The following CAPN8 variants were observed in gnomAD, a reference collection of about 807,000 sequenced individuals.
The protein encoded by CAPN8 is calpain 8.
A neutral mutation model predicts 80.9 loss-of-function variants in CAPN8; 87 were observed. That is an observed-to-expected ratio of 1.07 (90% CI 0.90 to 1.28). CAPN8 has a LOEUF of 1.28. CAPN8 is among the 50% of genes most tolerant of loss of function. The pLI, the probability that CAPN8 is intolerant of heterozygous loss-of-function variation, is 0.00. For missense variants in CAPN8, 757 were observed against 702.0 expected, an observed-to-expected ratio of 1.08 and a Z score of -0.89; for synonymous variants, 299 against 273.8, an observed-to-expected ratio of 1.09 and a Z score of -0.91.
chr1:223,545,821 C>CTTTTT lies in CAPN8; in HGVS notation c.1765-527_1765-523dup, dbSNP rs141485616. On this transcript the variant is annotated intron_variant, in intron 16 of 20. Coordinates refer to ENST00000366872, the MANE Select transcript of CAPN8 (RefSeq NM_001143962.2). ...TGTCCAACTTACATTCACTCCACAA[C>CTTTTT]TTTTTTTTTTTTTTTTTTTTTTGAG... 6.2e-3 allele frequency among the ~76,000 whole-genome samples: 612 copies of CTTTTT among 98,568 alleles called. 30 individuals are homozygous for CTTTTT. Among genetic ancestry groups the CTTTTT allele is most frequent in the African/African-American group, 0.017 (389 of 23,040 alleles). 64.7% of individuals were successfully genotyped at this position (98,568 alleles called of 152,430 possible).
At chr1:223,662,748 C>G (rs1658681098) in intron 1 of CAPN8, among the ~76,000 whole-genome samples, 1 of 152,196 alleles carries the variant, frequency 6.6e-6, no homozygotes, top group South Asian at 2.1e-4. Flanking sequence ...TTCTGGATAC[C>G]CTGATCTCTT....
At chr1:223,618,731 G>T (rs1327718863) in intron 9 of CAPN8, among the ~76,000 whole-genome samples, 1 of 152,240 alleles carries the variant, frequency 6.6e-6, no homozygotes, top group Admixed American at 6.5e-5. Flanking sequence ...GGCAGGGCAG[G>T]TGGGTGAAGC....
At chr1:223,638,359 G>GA (rs1328509459) in intron 2 of CAPN8, among the ~76,000 whole-genome samples, 259 of 151,924 alleles carry the variant, frequency 1.7e-3, no homozygotes, top group African/African-American at 5.6e-3. Flanking sequence ...AGACTGTATG[G>GA]GGTGTGTGTG....
In CAPN8 at chr1:223,622,797, C is replaced by T. The variant is rs116618659; in HGVS notation, c.899+18G>A. The T allele has an allele frequency of 1.3e-4, 197 of 1,545,110 alleles. No individual in the cohort carries two copies. In the African/African-American group the frequency reaches 2.4e-3, roughly 19 times the overall value. ...GCAGAGGGAGAGATGACTGGAGAAG[C>T]GGGGGAAAAAAACCTACTCATCGCT... is the stretch of plus-strand genomic sequence containing the variant. On this transcript the variant is annotated intron_variant, in intron 7 of 20. Transcript: ENST00000366872.
intron 2 of CAPN8, among the ~76,000 whole-genome samples, chr1:223,645,183 C>G (rs1192927286): frequency 6.6e-6 from 1 of 152,150 alleles, no homozygotes; most frequent in African/African-American, 2.4e-5. Context: ...AGGAAGCATC[C>G]AGCGCAGAAG....
At chr1:223,655,174 G>A (rs956050498) in intron 1 of CAPN8, among the ~76,000 whole-genome samples, 6 of 152,184 alleles carry the variant, frequency 3.9e-5, no homozygotes, top group African/African-American at 1.4e-4. Flanking sequence ...TTAGCAAAAT[G>A]CTGTGCACCC....
intron 2 of CAPN8, chr1:223,644,525 A>G (rs1239922191): frequency 1.9e-5 from 3 of 154,110 alleles, no homozygotes; most frequent in Admixed American, 1.3e-4. Context: ...ACAGTGGGGA[A>G]AAACAGAGTC....
chr1:223,625,451 T>C (rs1437423609), intron 6 of CAPN8, among the ~76,000 whole-genome samples: 2 of 152,154 alleles, frequency 1.3e-5, no homozygotes, highest in Non-Finnish European at 2.9e-5. Context: ...TTTTTTTGTT[T>C]TAGAAAAAAA....
At chr1:223,655,867 C>A (rs546350299) in intron 1 of CAPN8, among the ~76,000 whole-genome samples, 3 of 152,096 alleles carry the variant, frequency 2.0e-5, no homozygotes, top group Non-Finnish European at 4.4e-5. Flanking sequence ...GGAAGTCAGC[C>A]TACATTTAAT....
At chr1:223,641,061 G>T (rs1658027755) in intron 2 of CAPN8, among the ~76,000 whole-genome samples, 1 of 152,146 alleles carries the variant, frequency 6.6e-6, no homozygotes, top group Non-Finnish European at 1.5e-5. Context: ...TCCTTGAAAA[G>T]GGAATGGTTT....
intron 16 of CAPN8, among the ~76,000 whole-genome samples, chr1:223,548,610 C>T (rs997094609): frequency 6.6e-6 from 1 of 152,156 alleles, no homozygotes; most frequent in Admixed American, 6.5e-5. Flanking sequence ...CAAGAAGATG[C>T]CATCTATGAA....
intron 16 of CAPN8, 82 bp downstream of exon 16, chr1:223,549,236 C>T: frequency 1.3e-6 from 2 of 1,517,094 alleles, no homozygotes; most frequent in Non-Finnish European, 1.8e-6. Context: ...CCGTCCCTTC[C>T]TTCTAACTGG....
At chr1:223,621,478 T>C (rs1176117631) in intron 7 of CAPN8, among the ~76,000 whole-genome samples, 4 of 152,146 alleles carry the variant, frequency 2.6e-5, no homozygotes, top group Non-Finnish European at 5.9e-5. Flanking sequence ...AGCTCGGTAG[T>C]GACTTTTGGT....
chr1:223,558,230 G>C (rs919654042), intron 12 of CAPN8, 63 bp from the exon 13 acceptor site: 55 of 398,308 alleles, frequency 1.4e-4, no homozygotes, highest in African/African-American at 7.6e-4. Flanking sequence ...TAATGGCTGG[G>C]TTGTTTTAGG....
intron 2 of CAPN8, among the ~76,000 whole-genome samples, chr1:223,636,970 C>G (rs1411112709): frequency 6.6e-6 from 1 of 152,156 alleles, no homozygotes; most frequent in Non-Finnish European, 1.5e-5. Context: ...TGGCTAAAAT[C>G]AAATTTTGGC....
intron 20 of CAPN8, among the ~76,000 whole-genome samples, chr1:223,542,269 G>A (rs200168903): frequency 1.2e-3 from 182 of 150,746 alleles, no homozygotes; most frequent in Non-Finnish European, 2.3e-3. Context: ...TTCTATATGT[G>A]TATATATATA....
intron 2 of CAPN8, among the ~76,000 whole-genome samples, chr1:223,646,683 G>C (rs1658203286): frequency 6.6e-6 from 1 of 152,184 alleles, no homozygotes; most frequent in African/African-American, 2.4e-5. Flanking sequence ...CGGGACAGCA[G>C]GGTACCCCTC....
chr1:223,633,648 C>G (rs1393911411), intron 2 of CAPN8, among the ~76,000 whole-genome samples: 1 of 152,120 alleles, frequency 6.6e-6, no homozygotes, highest in Admixed American at 6.5e-5. Flanking sequence ...GACGGCAGAG[C>G]AAGGCGCCGC....
intron 2 of CAPN8, among the ~76,000 whole-genome samples, chr1:223,653,482 G>T (rs1332241989): frequency 1.3e-5 from 2 of 151,946 alleles, no homozygotes; most frequent in East Asian, 1.9e-4. Context: ...GTGGTGATGG[G>T]GTCCATGTGA....
Sources: gnomAD v4.1 joint callset for allele counts (sites outside exome capture counted in the v4.1 genomes callset) on GRCh38, gnomAD v4.1.1 for gene constraint, MANE v1.5 for transcripts, NCBI Gene and HGNC (gene_info 2026-07-23, HGNC 2026-07-21) for gene names.